Variants in PRDM16 observed in about 807,000 individuals in gnomAD.
The protein encoded by PRDM16 is histone-lysine N-methyltransferase PRDM16.
In PRDM16, 23 loss-of-function variants were observed where a neutral mutation model predicts 110.6. That is an observed-to-expected ratio of 0.21 (90% CI 0.15 to 0.29). The LOEUF (loss-of-function observed/expected upper bound fraction) is 0.29, where lower values mean the gene tolerates loss of function less well. PRDM16 is among the 10% of genes least tolerant of loss of function. The pLI is 1.00. For missense variants in PRDM16, 1,615 were observed against 1,794.3 expected (o/e 0.90, Z 1.81); for synonymous variants, 799 against 781.8 (o/e 1.02, Z -0.37).
At chr1:3,114,536 ACACATGAAC>A (rs1274829709) in intron 1 of PRDM16, among the ~76,000 whole-genome samples, 1 of 151,824 alleles carries the variant, frequency 6.6e-6, no homozygotes, top group African/African-American at 2.4e-5. Flanking sequence ...GCACACATGC[ACACATGAAC>A]ACACACACGT....
At position 3,195,198 on chromosome 1, in the gene PRDM16, C is replaced by T. The variant is rs139448528; in HGVS notation, c.387+8724C>T. Among the ~76,000 whole-genome samples, 383 of 152,292 alleles carry T rather than the reference C, an allele frequency of 2.5e-3. 6 individuals are homozygous for T. The highest frequency in any genetic ancestry group is 0.024 in the East Asian group (122 of 5,166). ...ATGCAGAGAAACCCATGGGCCTCGG[C>T]GTTGCTCCGGGAGAAGCCGGCAGTG... On this transcript the variant is annotated intron_variant, in intron 2 of 16. Transcript: ENST00000270722.
chr1:3,189,397 G>A lies in PRDM16; in HGVS notation c.387+2923G>A, dbSNP rs111436793. On this transcript the variant is annotated intron_variant, in intron 2 of 16. Transcript: ENST00000270722. ...GACAGAGAAAAACATGGGTGCCAGC[G>A]TCACGCCAGGGGGATCCCAAGTCAG... Among the ~76,000 whole-genome samples the A allele has an allele frequency of 8.3e-4, 123 of 148,282 alleles. 2 individuals carry two copies. Among genetic ancestry groups the A allele is most frequent in the African/African-American group, 2.9e-3 (117 of 40,190 alleles).
At chr1:3,094,910 T>C (rs192819734) in intron 1 of PRDM16, among the ~76,000 whole-genome samples, 2 of 152,274 alleles carry the variant, frequency 1.3e-5, no homozygotes, top group East Asian at 3.9e-4. Context: ...TTTTCCGACG[T>C]GGATGGAGCC....
chr1:3,165,221 T>C (rs1643936852), intron 1 of PRDM16, among the ~76,000 whole-genome samples: 2 of 152,018 alleles, frequency 1.3e-5, no homozygotes, highest in Admixed American at 6.6e-5. Flanking sequence ...GGGCATGGAC[T>C]CACCTGGGCT....
chr1:3,229,086 C>T (rs887080778), intron 2 of PRDM16, among the ~76,000 whole-genome samples: 1 of 152,246 alleles, frequency 6.6e-6, no homozygotes, highest in Non-Finnish European at 1.5e-5. Context: ...GTTTCTAAAG[C>T]CACTTGGGCA....
intron 3 of PRDM16, chr1:3,309,801 G>A (rs922259059): frequency 2.6e-5 from 4 of 152,416 alleles, no homozygotes; most frequent in Admixed American, 6.5e-5. Flanking sequence ...CTGTCAGAGG[G>A]AGGACCTGAG....
intron 1 of PRDM16, among the ~76,000 whole-genome samples, chr1:3,123,384 C>G (rs1236148976): frequency 6.6e-6 from 1 of 152,222 alleles, no homozygotes; most frequent in Non-Finnish European, 1.5e-5. Context: ...AGTGTGGCAC[C>G]CGTGCAGAGG....
intron 12 of PRDM16, among the ~76,000 whole-genome samples, chr1:3,420,232 C>G (rs529673342): frequency 2.6e-5 from 4 of 152,162 alleles, no homozygotes; most frequent in Non-Finnish European, 5.9e-5. Context: ...AGGTCTGTGC[C>G]GAGGGGTTTG....
chr1:3,431,938 C>G, intron 15 of PRDM16, 28 bp from the exon 16 acceptor site: 2 of 1,602,766 alleles, frequency 1.2e-6, no homozygotes, highest in Non-Finnish European at 1.7e-6. Flanking sequence ...TGACAGCAGG[C>G]CTTCCCTCTC....
At chr1:3,137,436 T>C (rs1043324721) in intron 1 of PRDM16, among the ~76,000 whole-genome samples, 1 of 152,234 alleles carries the variant, frequency 6.6e-6, no homozygotes, top group Non-Finnish European at 1.5e-5. Flanking sequence ...GGGGACACGA[T>C]GTCCTTTGCA....
At chr1:3,253,002 G>A (rs12409637) in intron 3 of PRDM16, among the ~76,000 whole-genome samples, 19,188 of 151,976 alleles carry the variant, frequency 0.13, 1,539 homozygotes, top group Admixed American at 0.25. Flanking sequence ...AACACCAGCC[G>A]CGTGTGCAGG....
intron 1 of PRDM16, among the ~76,000 whole-genome samples, chr1:3,092,100 C>T (rs1557439653): frequency 6.9e-6 from 1 of 145,214 alleles, no homozygotes; most frequent in African/African-American, 2.7e-5. Flanking sequence ...CCCTGGGCCC[C>T]CATGTCACGG....
At chr1:3,418,097 G>A (rs1171095593) in intron 11 of PRDM16, 100 bp downstream of exon 11, 2 of 1,014,876 alleles carry the variant, frequency 2.0e-6, no homozygotes, top group South Asian at 1.6e-5. Flanking sequence ...CAGAGTCCCG[G>A]CCATAGGAAA....
intron 3 of PRDM16, among the ~76,000 whole-genome samples, chr1:3,248,835 A>G (rs1172363861): frequency 1.3e-5 from 2 of 152,252 alleles, no homozygotes; most frequent in African/African-American, 2.4e-5. Context: ...GGCGTTTTCT[A>G]TAGCCCGGCC....
intron 1 of PRDM16, among the ~76,000 whole-genome samples, chr1:3,131,608 C>G (rs550650252): frequency 2.2e-4 from 34 of 152,314 alleles, no homozygotes; most frequent in African/African-American, 7.9e-4. Flanking sequence ...AAAATAATGA[C>G]AGTTCTAGCA....
At chr1:3,074,529 G>A (rs1043834590) in intron 1 of PRDM16, among the ~76,000 whole-genome samples, 1 of 151,838 alleles carries the variant, frequency 6.6e-6, no homozygotes, top group East Asian at 1.9e-4. Flanking sequence ...CATCACGTGC[G>A]TCCAGCGTGT....
At chr1:3,333,119 A>T (rs906152135) in intron 3 of PRDM16, among the ~76,000 whole-genome samples, 11 of 152,184 alleles carry the variant, frequency 7.2e-5, no homozygotes, top group Non-Finnish European at 1.5e-5. Flanking sequence ...ATTGCAGGTC[A>T]CACGGCCTTA....
intron 3 of PRDM16, among the ~76,000 whole-genome samples, chr1:3,274,781 C>T (rs1376386656): frequency 1.3e-5 from 2 of 152,198 alleles, no homozygotes; most frequent in African/African-American, 2.4e-5. Flanking sequence ...GCATGGCTGG[C>T]TTTTCCATTA....
chr1:3,396,356 C>G, intron 4 of PRDM16, 135 bp from the exon 5 acceptor site: 1 of 709,234 alleles, frequency 1.4e-6, no homozygotes, highest in Non-Finnish European at 2.6e-6. Flanking sequence ...ATAGTGGACC[C>G]TCTTGGTGGC....
Sources: gnomAD v4.1 joint callset for allele counts (sites outside exome capture counted in the v4.1 genomes callset) on GRCh38, gnomAD v4.1.1 for gene constraint, MANE v1.5 for transcripts, NCBI Gene and HGNC (gene_info 2026-07-23, HGNC 2026-07-21) for gene names.